SNX16: variants seen among roughly 807,000 people sequenced by gnomAD.
SNX16 encodes the protein sorting nexin-16.
SNX16 carries 35 observed loss-of-function variants against 36.7 expected under a neutral mutation model. The ratio of observed to expected loss-of-function variants is 0.95; its 90% CI spans 0.73 to 1.27. The LOEUF (loss-of-function observed/expected upper bound fraction) is 1.27, where lower values mean the gene tolerates loss of function less well. Ranked by LOEUF, SNX16 falls within the 50% of genes most tolerant of loss-of-function variation. SNX16 has a pLI of 0.00. For synonymous variants in SNX16, 134 were observed against 132.0 expected, an observed-to-expected ratio of 1.02 and a Z score of -0.10; for missense variants, 367 against 393.6, an observed-to-expected ratio of 0.93 and a Z score of 0.57.
chr8:81,827,473 TA>T (rs1464550782), intron 3 of SNX16, among the ~76,000 whole-genome samples: 1 of 152,100 alleles, frequency 6.6e-6, no homozygotes, highest in Non-Finnish European at 1.5e-5. Context: ...TTTAGTCATT[TA>T]AAAAAATTAA....
At chr8:81,802,317 T>C (rs535634945) in intron 7 of SNX16, 63 bp downstream of exon 7, 2 of 1,380,918 alleles carry the variant, frequency 1.4e-6, no homozygotes, top group South Asian at 2.8e-5. Context: ...CTCTATAGAG[T>C]ATTAGAATCA....
intron 2 of SNX16, 30 bp from the exon 3 acceptor site, chr8:81,829,546 G>GA: frequency 1.0e-6 from 1 of 998,286 alleles, no homozygotes; most frequent in Middle Eastern, 3.0e-4. Flanking sequence ...CAGACGGAGA[G>GA]AAAAATATAA....
Position 81,800,769 on chromosome 8 carries a change from A to G in SNX16, c.*728T>C, listed in dbSNP as rs1010750345. ...TGAAAGAGGCAAACTCACTAAATCT[A>G]GGTAGAGATAAAGATTACGTGGAAA... is the stretch of plus-strand genomic sequence containing the variant. On this transcript the variant is annotated 3_prime_UTR_variant, in exon 8 of 8. Transcript: ENST00000345957. 10 of 152,216 alleles carry G rather than the reference A, an allele frequency of 6.6e-5. No individual in the cohort carries two copies. Among genetic ancestry groups the G allele is most frequent in the African/African-American group, 2.4e-4 (10 of 41,442 alleles). The allele number at this position is 152,216 out of a possible 1,614,324, so 9.4% of individuals were successfully genotyped here.
chr8:81,840,825 C>G (rs889894869), intron 1 of SNX16, among the ~76,000 whole-genome samples: 1 of 152,170 alleles, frequency 6.6e-6, no homozygotes, highest in Non-Finnish European at 1.5e-5. Context: ...TGTTATCAAA[C>G]GGACCAGTAT....
At position 81,841,353 on chromosome 8, in the gene SNX16, A is replaced by AC. The variant is rs1412019664; in HGVS notation, c.-97+768_-97+769insG. Among the ~76,000 whole-genome samples, 3 of 151,862 alleles carry AC rather than the reference A, an allele frequency of 2.0e-5. No individual in the cohort carries two copies. In the East Asian group the frequency reaches 5.8e-4, roughly 29 times the overall value. ...GAAAACTCCGTCTCAAAAAAAAAAA[A>AC]AAAAAAGATTTTTAACTCAAGTGGC... On this transcript the variant is annotated intron_variant, in intron 1 of 7. Coordinates refer to ENST00000345957, the MANE Select transcript of SNX16 (RefSeq NM_152836.3).
intron 5 of SNX16, among the ~76,000 whole-genome samples, chr8:81,809,853 C>A (rs1563434285): frequency 6.6e-6 from 1 of 152,178 alleles, no homozygotes; most frequent in Non-Finnish European, 1.5e-5. Flanking sequence ...CCTTGGGTTT[C>A]TTCCAAGATT....
At chr8:81,833,565 T>C (rs1563454072) in intron 2 of SNX16, among the ~76,000 whole-genome samples, 2 of 152,174 alleles carry the variant, frequency 1.3e-5, no homozygotes, top group Non-Finnish European at 2.9e-5. Flanking sequence ...AAGTCGACTT[T>C]AAAACTTTTG....
intron 4 of SNX16, among the ~76,000 whole-genome samples, chr8:81,816,666 T>C (rs958465312): frequency 2.0e-5 from 3 of 152,220 alleles, no homozygotes; most frequent in African/African-American, 7.2e-5. Flanking sequence ...TATTCTATTG[T>C]ATTTAATTTT....
At chr8:81,816,181 C>CTT (rs777491714) in intron 4 of SNX16, among the ~76,000 whole-genome samples, 11 of 137,824 alleles carry the variant, frequency 8.0e-5, no homozygotes, top group Non-Finnish European at 1.1e-4. Flanking sequence ...AAAGGATTTT[C>CTT]TTTTTTTTTT....
chr8:81,840,316 T>G (rs1361443096), intron 1 of SNX16: 1 of 204,060 alleles, frequency 4.9e-6, no homozygotes. Context: ...TTTCCTCTAC[T>G]TTATTCCCTT....
At chr8:81,805,416 AAAG>A (rs1222829669) in intron 5 of SNX16, among the ~76,000 whole-genome samples, 1 of 152,184 alleles carries the variant, frequency 6.6e-6, no homozygotes, top group Non-Finnish European at 1.5e-5. Context: ...TAAAGAAGTC[AAAG>A]AACATACTAA....
intron 3 of SNX16, among the ~76,000 whole-genome samples, chr8:81,828,570 C>T (rs1811110567): frequency 6.6e-6 from 1 of 152,098 alleles, no homozygotes; most frequent in Admixed American, 6.5e-5. Context: ...CTAGATGGTC[C>T]ATGATCTTTG....
chr8:81,822,200 T>C (rs1586001642), intron 4 of SNX16, among the ~76,000 whole-genome samples: 1 of 151,962 alleles, frequency 6.6e-6, no homozygotes, highest in Admixed American at 6.6e-5. Flanking sequence ...AGGAGGCCAG[T>C]TACCTAACGA....
At chr8:81,806,787 AAACT>A (rs148968632) in intron 5 of SNX16, among the ~76,000 whole-genome samples, 1,589 of 152,310 alleles carry the variant, frequency 0.01, 27 homozygotes, top group African/African-American at 0.036. Flanking sequence ...ACAGATCTAT[AAACT>A]AACAAGAGAA....
chr8:81,806,710 T>C (rs377155374), intron 5 of SNX16, among the ~76,000 whole-genome samples: 4 of 152,072 alleles, frequency 2.6e-5, no homozygotes. Flanking sequence ...ATGAAAGATA[T>C]TACGTATTAG....
chr8:81,812,836 T>C (rs567081686), intron 5 of SNX16, among the ~76,000 whole-genome samples: 3 of 151,990 alleles, frequency 2.0e-5, no homozygotes, highest in Non-Finnish European at 2.9e-5. Flanking sequence ...GTTAGGTTTA[T>C]AAGATATATG....
chr8:81,808,629 G>T, intron 5 of SNX16: 1 of 936,734 alleles, frequency 1.1e-6, no homozygotes, highest in Non-Finnish European at 1.7e-6. Context: ...CAGAAGCTCT[G>T]GCCCCCATGG....
intron 4 of SNX16, 180 bp from the exon 5 acceptor site, chr8:81,815,574 A>T: frequency 2.1e-6 from 1 of 468,204 alleles, no homozygotes; most frequent in South Asian, 2.6e-5. Flanking sequence ...GTGTTTTCTA[A>T]GATCTTAGAA....
At chr8:81,824,465 T>G (rs911234406) in intron 3 of SNX16, among the ~76,000 whole-genome samples, 2 of 152,116 alleles carry the variant, frequency 1.3e-5, no homozygotes, top group African/African-American at 4.8e-5. Context: ...CAGAGCAGAT[T>G]TTTTTTAATT....
Sources: allele counts gnomAD v4.1 joint callset (sites outside exome capture counted in the v4.1 genomes callset), GRCh38; gene constraint gnomAD v4.1.1; transcripts MANE v1.5; gene names NCBI Gene and HGNC (gene_info 2026-07-23, HGNC 2026-07-21).